The following NEBL variants were observed in gnomAD, a reference collection of about 807,000 sequenced individuals.
The protein encoded by NEBL is LIM and SH3 protein 2.
A neutral mutation model predicts 140.2 loss-of-function variants in NEBL; 122 were observed. The observed-to-expected ratio is 0.87, with a 90% CI of 0.75 to 1.01. The LOEUF (loss-of-function observed/expected upper bound fraction) is 1.01. Among genes scored for constraint, NEBL ranks in the 50% least tolerant of loss-of-function variants. The probability of loss-of-function intolerance (pLI) is 0.00; values close to 1 mark genes in which losing one functional copy is unlikely to be tolerated. For missense variants in NEBL, 1,365 were observed against 1,231.3 expected, an observed-to-expected ratio of 1.11 and a Z score of -1.62; for synonymous variants, 436 against 398.9, an observed-to-expected ratio of 1.09 and a Z score of -1.11.
At chr10:20,825,183 C>T (rs75131703) in intron 18 of NEBL, among the ~76,000 whole-genome samples, 150 of 152,198 alleles carry the variant, frequency 9.9e-4, no homozygotes, top group African/African-American at 3.3e-3. Flanking sequence ...TCTTCACAAA[C>T]GCTGACCCAC....
chr10:21,195,446 G>A (rs930979520), intron 3 of NEBL, among the ~76,000 whole-genome samples: 3 of 152,172 alleles, frequency 2.0e-5, no homozygotes, highest in Non-Finnish European at 4.4e-5. Context: ...GTATATTCTA[G>A]TAATTAAATT....
In NEBL at chr10:20,902,853, G is replaced by C. The variant is rs191863213; in HGVS notation, c.357+58819C>G. 2.1e-4 allele frequency among the ~76,000 whole-genome samples: 32 copies of C among 152,252 alleles called. No homozygotes were observed. In the East Asian group the frequency reaches 5.8e-3, roughly 28 times the overall value. On this transcript the variant is annotated intron_variant, in intron 4 of 6. Transcript: ENST00000417816. ...GATCAAACAGCTTGACTCCCACAGA[G>C]TGTCCCTTTCCTAGAGTTTTATGTG...
At chr10:20,828,106 C>T (rs537998669) in intron 17 of NEBL, among the ~76,000 whole-genome samples, 2 of 152,148 alleles carry the variant, frequency 1.3e-5, no homozygotes, top group Admixed American at 6.6e-5. Context: ...GATGCAATTC[C>T]TCTTCCTCAA....
intron 4 of NEBL, among the ~76,000 whole-genome samples, chr10:20,915,699 A>T (rs1034268322): frequency 2.0e-5 from 3 of 152,090 alleles, no homozygotes; most frequent in East Asian, 3.9e-4. Context: ...TACTGTGAAT[A>T]GTGCCACAAT....
chr10:20,986,767 C>T (rs1321854474), intron 3 of NEBL, among the ~76,000 whole-genome samples: 2 of 152,068 alleles, frequency 1.3e-5, no homozygotes, highest in African/African-American at 2.4e-5. Flanking sequence ...TATGATAGAT[C>T]CTAAATAAAA....
At chr10:20,823,411 T>C in intron 18 of NEBL, 111 bp from the exon 19 acceptor site, 2 of 762,656 alleles carry the variant, frequency 2.6e-6, no homozygotes, top group South Asian at 1.8e-5. Flanking sequence ...AATTCCAACA[T>C]TACTTTTCCT....
At chr10:21,269,018 G>C (rs781663522) in intron 1 of NEBL, among the ~76,000 whole-genome samples, 1 of 152,088 alleles carries the variant, frequency 6.6e-6, no homozygotes, top group East Asian at 1.9e-4. Context: ...ACTGATCATC[G>C]CATCTCCATT....
intron 3 of NEBL, among the ~76,000 whole-genome samples, chr10:20,989,188 A>C (rs1837366721): frequency 6.6e-6 from 1 of 152,228 alleles, no homozygotes; most frequent in South Asian, 2.1e-4. Flanking sequence ...AGATGGGTAC[A>C]TATTAAGTAC....
At chr10:20,923,708 T>G (rs1379518957) in intron 4 of NEBL, among the ~76,000 whole-genome samples, 1 of 103,490 alleles carries the variant, frequency 9.7e-6, no homozygotes, top group Non-Finnish European at 1.9e-5. Context: ...AAATGGTTTC[T>G]TGACATGCTA....
intron 4 of NEBL, among the ~76,000 whole-genome samples, chr10:20,931,393 G>T (rs1203833389): frequency 2.6e-5 from 4 of 152,130 alleles, no homozygotes; most frequent in Non-Finnish European, 5.9e-5. Context: ...ATATAAATAC[G>T]TTTATAAATT....
chr10:21,046,767 A>T (rs1388802507), intron 2 of NEBL, among the ~76,000 whole-genome samples: 1 of 151,530 alleles, frequency 6.6e-6, no homozygotes, highest in Non-Finnish European at 1.5e-5. Context: ...CGCCCGACTA[A>T]TTTTTTTTAT....
In NEBL at chr10:20,819,459, C is replaced by T. The variant is rs747479121; in HGVS notation, c.2020G>A (p.Glu674Lys). 14 of 1,614,130 alleles carry T rather than the reference C, an allele frequency of 8.7e-6. No individual in the cohort carries two copies. The Admixed American group carries it at 2.0e-4, about 23-fold the overall frequency. The part of the protein sequence containing the change: ...ATPVSMTPEI[E>K]RVRRNQEQLS... ...TGCTCCTGGTTTCGCCTCACTCTCT[C>T]TATCTCCGGGGTCATGCTTACCGGA... The change falls in exon 20 of 28, where the codon GAG (glutamate) becomes AAG (lysine). Residue 674 changes from glutamate (E) to lysine (K), a missense_variant. Glu to Lys is a moderately conservative substitution (Grantham distance 56). This residue lies in a region of NEBL where 1,323 missense variants were observed against 1,154.8 expected (regional missense o/e 1.15). Transcript: ENST00000377122.
intron 11 of NEBL, among the ~76,000 whole-genome samples, chr10:20,846,308 C>G (rs2131015028): frequency 6.6e-6 from 1 of 152,226 alleles, no homozygotes; most frequent in Non-Finnish European, 1.5e-5. Flanking sequence ...ATAAATTCTG[C>G]ATGAAATTGT....
chr10:21,101,232 G>C (rs1297303003), intron 2 of NEBL, among the ~76,000 whole-genome samples: 1 of 152,206 alleles, frequency 6.6e-6, no homozygotes, highest in East Asian at 1.9e-4. Flanking sequence ...TCATCTGTAA[G>C]GCTACAGCTT....
At chr10:20,890,441 G>A (rs1040431391) in intron 2 of NEBL, among the ~76,000 whole-genome samples, 2 of 152,214 alleles carry the variant, frequency 1.3e-5, no homozygotes, top group Non-Finnish European at 2.9e-5. Flanking sequence ...TTATTACCTA[G>A]ACATGCTTGA....
chr10:21,029,346 T>C lies in NEBL; in HGVS notation c.165-9145A>G, dbSNP rs1319002909. On this transcript the variant is annotated intron_variant, in intron 2 of 6. Transcript: ENST00000417816. ...CAGAAGAGTCAATTAAGGAATTCTTTAGAGGATTAATTATCAGTGCAGTGC... is the reference window on the plus strand; with the variant it reads ...CAGAAGAGTCAATTAAGGAATTCTTCAGAGGATTAATTATCAGTGCAGTGC... 1.7e-5 allele frequency: 28 copies of C among 1,611,426 alleles called. No individual in the cohort carries two copies. The East Asian group carries it at 5.1e-4, about 30-fold the overall frequency.
At chr10:21,035,706 C>T (rs1405983681) in intron 2 of NEBL, among the ~76,000 whole-genome samples, 1 of 147,490 alleles carries the variant, frequency 6.8e-6, no homozygotes, top group South Asian at 2.2e-4. Flanking sequence ...AACTAGACAC[C>T]ATATTTTAAA....
At chr10:21,196,564 C>T (rs1200916044) in intron 3 of NEBL, among the ~76,000 whole-genome samples, 3 of 152,018 alleles carry the variant, frequency 2.0e-5, no homozygotes, top group Admixed American at 6.6e-5. Context: ...AGGCTGGTCT[C>T]GAACTCCTGA....
chr10:21,227,959 T>C (rs1385442431), intron 3 of NEBL, among the ~76,000 whole-genome samples: 1 of 151,936 alleles, frequency 6.6e-6, no homozygotes, highest in African/African-American at 2.4e-5. Context: ...AAAATAGATA[T>C]TTACATTTAC....
Sources: gnomAD v4.1 joint callset for allele counts (sites outside exome capture counted in the v4.1 genomes callset) on GRCh38, gnomAD v4.1.1 for gene constraint, gnomAD v4.1.1 regional missense constraint, MANE v1.5 for transcripts, NCBI Gene and HGNC (gene_info 2026-07-23, HGNC 2026-07-21) for gene names.